Variants in EXD2 observed in about 807,000 individuals in gnomAD.
EXD2 encodes exonuclease 3'-5' domain-containing protein 2.
A neutral mutation model predicts 62.5 loss-of-function variants in EXD2; 40 were observed. The observed-to-expected ratio is 0.64, with a 90% CI of 0.50 to 0.83. EXD2 has a LOEUF of 0.83. Ranked by LOEUF, EXD2 falls within the 40% of genes least tolerant of loss-of-function variation. The probability of loss-of-function intolerance (pLI) is 0.00; values close to 1 mark genes in which losing one functional copy is unlikely to be tolerated. For missense variants in EXD2, 671 were observed against 761.8 expected, an observed-to-expected ratio of 0.88 and a Z score of 1.40; for synonymous variants, 239 against 291.9, an observed-to-expected ratio of 0.82 and a Z score of 1.85.
chr14:69,222,772 C>T (rs372917888), intron 3 of EXD2, among the ~76,000 whole-genome samples: 5 of 152,042 alleles, frequency 3.3e-5, no homozygotes, highest in African/African-American at 1.2e-4. Flanking sequence ...TTTCTTTAAA[C>T]ATAAGGCCTC....
In EXD2 at chr14:69,209,559, G is replaced by C; in HGVS notation, c.89G>C (p.Arg30Pro). ...TTTGTCCTCTGGAAAGGCATCCAGCGCCGCCGAAGGAGTAAAACGAGTCCT... is the reference window on the plus strand; with the variant it reads ...TTTGTCCTCTGGAAAGGCATCCAGCCCCGCCGAAGGAGTAAAACGAGTCCT... Reference protein sequence around the residue: ...GGFVLWKGIQRRRRSKTSPVT... With the variant: ...GGFVLWKGIQPRRRSKTSPVT... Residue 30 changes from arginine to proline, a missense_variant, in exon 3 of 10, where the codon CGC becomes CCC. Arg to Pro is a moderately radical substitution (Grantham distance 103). Transcript: ENST00000685843. The C allele has an allele frequency of 2.6e-6, 4 of 1,550,536 alleles. No homozygotes were observed. The highest frequency in any genetic ancestry group is 2.0e-5 in the Admixed American group (1 of 50,986).
In EXD2 at chr14:69,194,505, C is replaced by G. The variant is rs1035118284; in HGVS notation, c.-132+2914C>G. On this transcript the variant is annotated intron_variant, in intron 1 of 9. Coordinates refer to ENST00000685843, the MANE Select transcript of EXD2 (RefSeq NM_001193360.2). ...TACCATGTACTAATTTCTTTTTTTTCTTTTTAATTTTTATTTGTAGAGATA... is the reference window on the plus strand; with the variant it reads ...TACCATGTACTAATTTCTTTTTTTTGTTTTTAATTTTTATTTGTAGAGATA... Among the ~76,000 whole-genome samples, 10 of 150,980 alleles carry G rather than the reference C, an allele frequency of 6.6e-5. No homozygotes were observed. In the East Asian group the frequency reaches 1.9e-3, roughly 29 times the overall value.
At position 69,241,180 on chromosome 14, in the gene EXD2, C is replaced by G; in HGVS notation, c.*80C>G. On this transcript the variant is annotated 3_prime_UTR_variant, in exon 10 of 10. Coordinates refer to ENST00000685843, the MANE Select transcript of EXD2 (RefSeq NM_001193360.2). ...GTCACCTCTTCCCATTTTAGTACAT[C>G]ATTAATTGTCAAAGCCTGTGTGACA... 2.6e-6 allele frequency: 3 copies of G among 1,138,784 alleles called. No homozygotes were observed. The highest frequency in any genetic ancestry group is 3.8e-6 in the Non-Finnish European group (3 of 794,162). The allele number at this position is 1,138,784 out of a possible 1,614,324, so 70.5% of individuals were successfully genotyped here.
intron 1 of EXD2, among the ~76,000 whole-genome samples, chr14:69,200,204 T>G (rs888733679): frequency 6.6e-5 from 10 of 152,178 alleles, no homozygotes; most frequent in African/African-American, 2.4e-4. Context: ...CCAAGCATTA[T>G]TTCAACATAA....
intron 5 of EXD2, among the ~76,000 whole-genome samples, chr14:69,233,963 C>T (rs545855548): frequency 6.6e-6 from 1 of 152,144 alleles, no homozygotes; most frequent in South Asian, 2.1e-4. Context: ...GACAGGGTTT[C>T]ACCATGTTGG....
chr14:69,232,076 A>G (rs991238471), intron 5 of EXD2, among the ~76,000 whole-genome samples: 34 of 152,124 alleles, frequency 2.2e-4, no homozygotes, highest in African/African-American at 6.5e-4. Context: ...TTAACATTCA[A>G]TGTGTAATCT....
intron 1 of EXD2, among the ~76,000 whole-genome samples, chr14:69,203,456 A>T (rs535416414): frequency 1.4e-4 from 21 of 152,304 alleles, no homozygotes; most frequent in African/African-American, 4.3e-4. Context: ...GGCCTTGGCC[A>T]GGAGAGTCTA....
intron 2 of EXD2, among the ~76,000 whole-genome samples, chr14:69,208,627 C>T (rs997419022): frequency 3.3e-5 from 5 of 152,216 alleles, no homozygotes; most frequent in African/African-American, 4.8e-5. Context: ...GAGAAAGCCA[C>T]ATGTTACAGA....
chr14:69,228,576 T>G (rs117417837), intron 3 of EXD2, among the ~76,000 whole-genome samples: 204 of 152,278 alleles, frequency 1.3e-3, no homozygotes, highest in Non-Finnish European at 2.4e-3. Flanking sequence ...TCGCTGTTTA[T>G]GGACTTATAT....
chr14:69,243,205 T>C lies in EXD2; in HGVS notation c.*2105T>C, dbSNP rs1355437689. 6.6e-6 allele frequency: 1 copy of C among 152,224 alleles called. No individual in the cohort carries two copies. Among genetic ancestry groups the C allele is most frequent in the East Asian group, 1.9e-4 (1 of 5,196 alleles). The allele number at this position is 152,224 out of a possible 1,614,324, so 9.4% of individuals were successfully genotyped here. ...AGCAGGCTTTTCCTAAGACTGACAA[T>C]TGTCGTCTTAAATCAGAGATTTGAG... is the stretch of plus-strand genomic sequence containing the variant. On this transcript the variant is annotated 3_prime_UTR_variant, in exon 10 of 10. Coordinates refer to ENST00000685843, the MANE Select transcript of EXD2 (RefSeq NM_001193360.2).
rs973624886 is a variant in EXD2 at position 69,210,759 on chromosome 14, A to G, written c.333+956A>G. On this transcript the variant is annotated intron_variant, in intron 3 of 9. Coordinates refer to ENST00000685843, the MANE Select transcript of EXD2 (RefSeq NM_001193360.2). ...CAGGAGGTTGAAGCTGTCGTGAGCT[A>G]TGAACACACCACTGCACTTCAGCCT... 2.6e-5 allele frequency among the ~76,000 whole-genome samples: 4 copies of G among 152,046 alleles called. 1 individual carries two copies. The highest frequency in any genetic ancestry group is 4.2e-4 in the South Asian group (2 of 4,812).
At chr14:69,208,659 T>C (rs1242842388) in intron 2 of EXD2, among the ~76,000 whole-genome samples, 3 of 152,242 alleles carry the variant, frequency 2.0e-5, no homozygotes, top group Non-Finnish European at 4.4e-5. Flanking sequence ...GGAACTATTT[T>C]GTGGCTTGCT....
At chr14:69,235,056 TAA>T (rs370954963) in intron 6 of EXD2, 25 bp downstream of exon 6, 36 of 1,542,770 alleles carry the variant, frequency 2.3e-5, no homozygotes, top group African/African-American at 2.2e-4. Flanking sequence ...CCCTGTCTAG[TAA>T]AGAGTCAGTG....
intron 5 of EXD2, among the ~76,000 whole-genome samples, chr14:69,233,411 TA>T (rs928019063): frequency 3.3e-5 from 5 of 151,768 alleles, no homozygotes; most frequent in African/African-American, 9.7e-5. Flanking sequence ...GTTTTTTTTT[TA>T]AATTTAATTT....
chr14:69,216,133 A>ATG (rs1308554108), intron 3 of EXD2, among the ~76,000 whole-genome samples: 2 of 152,102 alleles, frequency 1.3e-5, no homozygotes, highest in Admixed American at 6.6e-5. Flanking sequence ...TTTGTATATG[A>ATG]TGTGTGGTAG....
intron 4 of EXD2, among the ~76,000 whole-genome samples, chr14:69,229,904 T>G (rs2043507480): frequency 6.6e-6 from 1 of 152,194 alleles, no homozygotes; most frequent in Non-Finnish European, 1.5e-5. Flanking sequence ...TGAAATTTTA[T>G]TTTAGTTTGT....
intron 5 of EXD2, among the ~76,000 whole-genome samples, chr14:69,231,909 TA>T (rs747438242): frequency 0.3 from 18,348 of 60,494 alleles, 2,219 homozygotes; most frequent in African/African-American, 0.48. Flanking sequence ...GCATGAGCAG[TA>T]AAAAAAAAAA....
intron 9 of EXD2, 110 bp from the exon 10 acceptor site, chr14:69,240,774 A>G (rs1566845230): frequency 1.2e-6 from 1 of 820,550 alleles, no homozygotes; most frequent in East Asian, 2.6e-5. Context: ...CTAACCCTTT[A>G]GGAGTCCTTC....
intron 1 of EXD2, among the ~76,000 whole-genome samples, chr14:69,199,306 TG>T (rs1213672790): frequency 6.6e-6 from 1 of 152,202 alleles, no homozygotes; most frequent in Non-Finnish European, 1.5e-5. Context: ...CTTGCAGGAC[TG>T]GAAGTTGCTC....
Sources: allele counts gnomAD v4.1 joint callset (sites outside exome capture counted in the v4.1 genomes callset), GRCh38; gene constraint gnomAD v4.1.1; transcripts MANE v1.5; gene names NCBI Gene and HGNC (gene_info 2026-07-23, HGNC 2026-07-21).